The following CFAP144 variants were observed in gnomAD, a reference collection of about 807,000 sequenced individuals.
CFAP144 encodes the protein cilia- and flagella-associated protein 144.
the CFAP144 span, chr1:43,150,805 G>A: frequency 2.5e-6 from 4 of 1,610,206 alleles, no homozygotes; most frequent in Non-Finnish European, 3.4e-6. Context: ...TGATAACCTG[G>A]AGGAACCTGC....
the CFAP144 span, among the ~76,000 whole-genome samples, chr1:43,144,087 C>T: frequency 6.6e-6 from 1 of 152,216 alleles, no homozygotes; most frequent in Non-Finnish European, 1.5e-5. Context: ...TTCCCATTTT[C>T]CCAATTCCTG....
the CFAP144 span, among the ~76,000 whole-genome samples, chr1:43,150,975 C>T: frequency 0.036 from 5,434 of 151,956 alleles, 132 homozygotes; most frequent in Admixed American, 0.043. Flanking sequence ...TCAAAAAAGA[C>T]GGATACTCAG....
At chr1:43,152,199 G>A in the CFAP144 span, among the ~76,000 whole-genome samples, 2 of 152,074 alleles carry the variant, frequency 1.3e-5, no homozygotes, top group Non-Finnish European at 2.9e-5. Context: ...GACTCGATAG[G>A]GCAGAACTAT....
the CFAP144 span, chr1:43,150,660 C>A: frequency 1.0e-6 from 1 of 976,238 alleles, no homozygotes. Flanking sequence ...ACCAGATACT[C>A]AGTGAGTGCC....
chr1:43,148,079 G>T, the CFAP144 span: 3 of 1,611,956 alleles, frequency 1.9e-6, no homozygotes, highest in Non-Finnish European at 2.5e-6. Flanking sequence ...AATCCCCTCC[G>T]CAAGAGTGAG....
chr1:43,143,762 C>G, the CFAP144 span, among the ~76,000 whole-genome samples: 3 of 152,214 alleles, frequency 2.0e-5, no homozygotes, highest in African/African-American at 7.2e-5. Context: ...AGATGGTACG[C>G]TCCAAAAAGT....
the CFAP144 span, among the ~76,000 whole-genome samples, chr1:43,146,418 A>G: frequency 3.5e-4 from 53 of 152,336 alleles, no homozygotes; most frequent in African/African-American, 1.2e-3. Context: ...GCACTGCTCT[A>G]AAAAGTAACA....
At chr1:43,155,105 A>G in the CFAP144 span, among the ~76,000 whole-genome samples, 1 of 152,350 alleles carries the variant, frequency 6.6e-6, no homozygotes, top group East Asian at 1.9e-4. Context: ...AATCAGACCT[A>G]GTTGAAAAGT....
At chr1:43,154,319 ATTAT>A in the CFAP144 span, among the ~76,000 whole-genome samples, 5 of 146,394 alleles carry the variant, frequency 3.4e-5, no homozygotes, top group East Asian at 2.0e-4. Context: ...ATAAATAAAA[ATTAT>A]TTATATATAT....
the CFAP144 span, chr1:43,145,204 C>G: frequency 1.3e-6 from 2 of 1,487,552 alleles, no homozygotes; most frequent in Admixed American, 2.0e-5. Flanking sequence ...CTCCACGGAA[C>G]TTGGTCTGTA....
the CFAP144 span, chr1:43,148,066 G>A: frequency 1.7e-4 from 275 of 1,613,572 alleles, 1 homozygote; most frequent in African/African-American, 2.1e-3. Context: ...GCAGTATCAC[G>A]TGAATCCCCT....
At chr1:43,154,468 T>G in the CFAP144 span, among the ~76,000 whole-genome samples, 2 of 150,428 alleles carry the variant, frequency 1.3e-5, no homozygotes, top group Admixed American at 6.7e-5. Context: ...AAGGACGGAC[T>G]TGGTACAAAG....
the CFAP144 span, among the ~76,000 whole-genome samples, chr1:43,149,449 C>T: frequency 6.6e-6 from 1 of 152,228 alleles, no homozygotes; most frequent in African/African-American, 2.4e-5. Context: ...TTCCTGAATG[C>T]CTCTCCCAAC....
chr1:43,156,362 C>T, the CFAP144 span: 13 of 1,390,134 alleles, frequency 9.4e-6, no homozygotes, highest in African/African-American at 1.3e-4. Context: ...TAAGTGTGCA[C>T]AGCCCAGAGA....
At chr1:43,149,671 A>G in the CFAP144 span, among the ~76,000 whole-genome samples, 3 of 152,216 alleles carry the variant, frequency 2.0e-5, no homozygotes, top group African/African-American at 7.2e-5. Flanking sequence ...TCTAGGGAAA[A>G]TGCTGCCTCC....
At chr1:43,143,512 T>TGGTG in the CFAP144 span, among the ~76,000 whole-genome samples, 4,147 of 152,286 alleles carry the variant, frequency 0.027, 194 homozygotes, top group African/African-American at 0.094. Context: ...ATGATTTGGA[T>TGGTG]GGTGATCAAA....
At chr1:43,143,643 A>C in the CFAP144 span, among the ~76,000 whole-genome samples, 2 of 152,152 alleles carry the variant, frequency 1.3e-5, no homozygotes, top group East Asian at 3.9e-4. Context: ...AGGAAGTCCA[A>C]ATCTAGTCGT....
the CFAP144 span, among the ~76,000 whole-genome samples, chr1:43,153,478 C>T: frequency 6.6e-6 from 1 of 151,894 alleles, no homozygotes; most frequent in East Asian, 1.9e-4. Flanking sequence ...GGCATGGTGT[C>T]GCACGCTTAT....
the CFAP144 span, chr1:43,152,652 C>T: frequency 3.3e-6 from 2 of 599,944 alleles, no homozygotes; most frequent in Non-Finnish European, 5.6e-6. Flanking sequence ...TTGAGCTCAC[C>T]ACATATTTGT....
Sources: allele counts gnomAD v4.1 joint callset (sites outside exome capture counted in the v4.1 genomes callset), GRCh38; gene constraint gnomAD v4.1.1; transcripts MANE v1.5; gene names NCBI Gene and HGNC (gene_info 2026-07-23, HGNC 2026-07-21).